Variants in TAFA5 observed in about 807,000 individuals in gnomAD.
The protein encoded by TAFA5 is chemokine-like protein TAFA-5.
A neutral mutation model predicts 15.3 loss-of-function variants in TAFA5; 6 were observed. That is an observed-to-expected ratio of 0.39 (90% CI 0.21 to 0.77). TAFA5 has a LOEUF of 0.77. TAFA5 is among the 30% of genes least tolerant of loss of function. The pLI, the probability that TAFA5 is intolerant of heterozygous loss-of-function variation, is 0.41. For missense variants in TAFA5, 161 were observed against 193.1 expected (o/e 0.83, Z 0.98); for synonymous variants, 103 against 80.7 (o/e 1.28, Z -1.48).
At chr22:48,659,144 C>T (rs1314323931) in intron 2 of TAFA5, among the ~76,000 whole-genome samples, 1 of 152,236 alleles carries the variant, frequency 6.6e-6, no homozygotes, top group African/African-American at 2.4e-5. Flanking sequence ...CTGTTGGCTG[C>T]AGAGGCGGGA....
At chr22:48,591,851 C>A (rs541575584) in intron 1 of TAFA5, among the ~76,000 whole-genome samples, 1 of 152,218 alleles carries the variant, frequency 6.6e-6, no homozygotes, top group Admixed American at 6.5e-5. Context: ...CGACCTCCCC[C>A]ACGGAGTCTC....
At chr22:48,674,729 A>T (rs6010580) in intron 2 of TAFA5, among the ~76,000 whole-genome samples, 24,978 of 151,964 alleles carry the variant, frequency 0.16, 2,640 homozygotes, top group African/African-American at 0.3. Flanking sequence ...GAGGGGGGCC[A>T]CCTTAGCTTG....
At chr22:48,582,520 A>G (rs1408249583) in intron 1 of TAFA5, among the ~76,000 whole-genome samples, 1 of 150,764 alleles carries the variant, frequency 6.6e-6, no homozygotes, top group East Asian at 2.0e-4. Context: ...CACACAAAAT[A>G]CACCACACAC....
intron 1 of TAFA5, among the ~76,000 whole-genome samples, chr22:48,604,790 G>A (rs1006763195): frequency 2.6e-5 from 4 of 152,148 alleles, no homozygotes; most frequent in African/African-American, 9.7e-5. Flanking sequence ...AGGGCAGGCT[G>A]GGGGCCTCTC....
chr22:48,600,662 T>G (rs1368384261), intron 1 of TAFA5, among the ~76,000 whole-genome samples: 1 of 152,228 alleles, frequency 6.6e-6, no homozygotes, highest in African/African-American at 2.4e-5. Flanking sequence ...ACTATGATGT[T>G]GAAAATATTA....
chr22:48,642,426 C>T (rs776035534), intron 1 of TAFA5, among the ~76,000 whole-genome samples: 6 of 152,188 alleles, frequency 3.9e-5, no homozygotes, highest in Non-Finnish European at 7.3e-5. Flanking sequence ...CTGGTGGGCC[C>T]GCCCTCCCTT....
At chr22:48,504,823 G>A (rs1049943103) in intron 1 of TAFA5, among the ~76,000 whole-genome samples, 4 of 152,216 alleles carry the variant, frequency 2.6e-5, no homozygotes, top group African/African-American at 9.6e-5. Context: ...GATTGTGTTA[G>A]GATCCTTGCC....
intron 2 of TAFA5, among the ~76,000 whole-genome samples, chr22:48,684,326 G>T (rs1053091337): frequency 1.3e-5 from 2 of 152,112 alleles, no homozygotes; most frequent in African/African-American, 4.8e-5. Context: ...GCACTTGGAA[G>T]TAGGCAGAAT....
intron 2 of TAFA5, among the ~76,000 whole-genome samples, chr22:48,687,087 A>G (rs746299083): frequency 2.7e-5 from 4 of 150,484 alleles, no homozygotes; most frequent in Non-Finnish European, 5.9e-5. Flanking sequence ...GGATGGATGG[A>G]TGGATAGATG....
intron 3 of TAFA5, among the ~76,000 whole-genome samples, chr22:48,732,961 A>G (rs1361347758): frequency 1.3e-5 from 2 of 152,204 alleles, no homozygotes; most frequent in Non-Finnish European, 2.9e-5. Flanking sequence ...TTTTTAAGGT[A>G]TGTACTTTTT....
chr22:48,563,347 G>A (rs1923302734), intron 1 of TAFA5, among the ~76,000 whole-genome samples: 1 of 152,190 alleles, frequency 6.6e-6, no homozygotes, highest in Admixed American at 6.5e-5. Context: ...GTCCTCCAGT[G>A]GGGACCACGG....
At chr22:48,681,474 C>G (rs1310139696) in intron 2 of TAFA5, among the ~76,000 whole-genome samples, 2 of 137,798 alleles carry the variant, frequency 1.5e-5, no homozygotes, top group Admixed American at 1.5e-4. Context: ...GAAACCCTGT[C>G]TCTACTAAAA....
At chr22:48,584,002 A>G (rs1490427806) in intron 1 of TAFA5, among the ~76,000 whole-genome samples, 2 of 134,820 alleles carry the variant, frequency 1.5e-5, no homozygotes, top group African/African-American at 5.7e-5. Flanking sequence ...ACCCACACAT[A>G]TAACACACCA....
In TAFA5 at chr22:48,490,139, G is replaced by A. The variant is rs1230798781; in HGVS notation, c.112+435G>A. Among the ~76,000 whole-genome samples, 1 of 152,124 alleles carries A rather than the reference G, an allele frequency of 6.6e-6. No homozygotes were observed. The highest frequency in any genetic ancestry group is 6.5e-5 in the Admixed American group (1 of 15,286). On this transcript the variant is annotated intron_variant, in intron 1 of 3. Transcript: ENST00000402357. This position sits in a 1 kb window ranked among gnomAD's most constrained non-coding sequence, Gnocchi z 5.8. The stretch of plus-strand genomic sequence containing the variant: ...CTCAGCCCGGGACAAGGGGGGAGGC[G>A]GCGGCCGAGCCCGGAGAGGAGCTCT...
At chr22:48,666,557 T>C (rs58887993) in intron 2 of TAFA5, among the ~76,000 whole-genome samples, 64,575 of 149,948 alleles carry the variant, frequency 0.43, 14,413 homozygotes, top group East Asian at 0.68. Context: ...CCGTGACCAG[T>C]CAGTACGGAG....
chr22:48,665,512 T>C (rs1015585402), intron 2 of TAFA5, among the ~76,000 whole-genome samples: 10 of 151,504 alleles, frequency 6.6e-5, no homozygotes, highest in African/African-American at 2.4e-4. Flanking sequence ...TTTCCAGCCT[T>C]ACATCACACA....
chr22:48,607,543 G>A (rs1601611795), intron 1 of TAFA5, among the ~76,000 whole-genome samples: 1 of 134,244 alleles, frequency 7.4e-6, no homozygotes, highest in Non-Finnish European at 1.6e-5. Flanking sequence ...TCTGTCCTGG[G>A]TTCTGATTAG....
At chr22:48,536,952 G>C (rs1026800949) in intron 1 of TAFA5, among the ~76,000 whole-genome samples, 1 of 152,334 alleles carries the variant, frequency 6.6e-6, no homozygotes, top group Admixed American at 6.5e-5. Flanking sequence ...GAGTTCTGTC[G>C]TCTGCAGAGG....
intron 2 of TAFA5, among the ~76,000 whole-genome samples, chr22:48,681,816 C>G (rs868575821): frequency 1.8e-5 from 1 of 56,114 alleles, no homozygotes; most frequent in Non-Finnish European, 6.1e-5. Context: ...GGGTGTTGTC[C>G]ACATGTAGAC....
Sources: allele counts gnomAD v4.1 joint callset (sites outside exome capture counted in the v4.1 genomes callset), GRCh38; gene constraint gnomAD v4.1.1; non-coding constraint Gnocchi (gnomAD v3.1); transcripts MANE v1.5; gene names NCBI Gene and HGNC (gene_info 2026-07-23, HGNC 2026-07-21).